The following TF variants were observed in gnomAD, a reference collection of about 807,000 sequenced individuals.
The protein encoded by TF is transferrin, also known as serotransferrin.
Under a neutral mutation model 82.4 loss-of-function variants are expected in TF, and 55 were observed. That is an observed-to-expected ratio of 0.67 (90% CI 0.54 to 0.84). TF has a LOEUF of 0.84. TF is among the 40% of genes least tolerant of loss of function. The pLI is 0.00. For missense variants in TF, 737 were observed against 868.4 expected, an observed-to-expected ratio of 0.85 and a Z score of 1.90; for synonymous variants, 332 against 332.6, an observed-to-expected ratio of 1.00 and a Z score of 0.02.
intron 6 of TF, 39 bp from the exon 7 acceptor site, chr3:133,756,792 C>T: frequency 6.2e-7 from 1 of 1,612,810 alleles, no homozygotes; most frequent in Non-Finnish European, 8.5e-7. Context: ...CAGCCCATGG[C>T]TCTCCTGTGT....
At chr3:133,666,555 A>G in the TF span, among the ~76,000 whole-genome samples, 1 of 152,156 alleles carries the variant, frequency 6.6e-6, no homozygotes, top group Non-Finnish European at 1.5e-5. Context: ...TGTTTAAACT[A>G]TTGTCTTCAG....
At chr3:133,772,914 T>G (rs186213296) in intron 14 of TF, 1 of 152,292 alleles carries the variant, frequency 6.6e-6, no homozygotes, top group Non-Finnish European at 1.5e-5. Context: ...CTTCTTACCT[T>G]CTTCTGTTAT....
At chr3:133,737,512 A>AAAAATC in the TF span, among the ~76,000 whole-genome samples, 1 of 152,156 alleles carries the variant, frequency 6.6e-6, no homozygotes, top group African/African-American at 2.4e-5. Flanking sequence ...AAACCCTTAA[A>AAAAATC]AAAATCAATG....
At chr3:133,776,171 C>T (rs1183753743) in intron 15 of TF, among the ~76,000 whole-genome samples, 3 of 152,188 alleles carry the variant, frequency 2.0e-5, no homozygotes, top group Non-Finnish European at 4.4e-5. Flanking sequence ...GAAGACAGCT[C>T]CTGTTTCCCA....
the TF span, among the ~76,000 whole-genome samples, chr3:133,686,236 A>G: frequency 1.8e-4 from 28 of 152,372 alleles, 2 homozygotes; most frequent in African/African-American, 6.0e-4. Context: ...ACCTAAAACC[A>G]TAAAAACCCT....
At chr3:133,684,598 A>G in the TF span, among the ~76,000 whole-genome samples, 1 of 152,224 alleles carries the variant, frequency 6.6e-6, no homozygotes, top group Non-Finnish European at 1.5e-5. Context: ...AAACTAGAAA[A>G]TCTAGAAGAA....
chr3:133,705,394 C>T, the TF span, among the ~76,000 whole-genome samples: 2 of 152,140 alleles, frequency 1.3e-5, no homozygotes, highest in African/African-American at 4.8e-5. Context: ...TGATTGCCTA[C>T]CACAGTCTAA....
the TF span, among the ~76,000 whole-genome samples, chr3:133,719,789 C>T: frequency 2.0e-5 from 3 of 152,102 alleles, no homozygotes; most frequent in East Asian, 5.8e-4. Context: ...TTTTCTTCAT[C>T]ACAGTTTTAT....
rs371309581 is a variant in TF at position 133,778,581 on chromosome 3, C to T, written c.2063-5C>T. 46 of 1,612,842 alleles carry T rather than the reference C, an allele frequency of 2.9e-5. No homozygotes were observed. The highest frequency in any genetic ancestry group is 3.6e-5 in the Non-Finnish European group (43 of 1,179,256). Reference sequence around the variant, plus strand: ...AAAATCCTACCTCTCTGCTCTGCTCCACAGCACTCCTGGAAGCCTGCACTT... The same window carrying T: ...AAAATCCTACCTCTCTGCTCTGCTCTACAGCACTCCTGGAAGCCTGCACTT... On this transcript the variant is annotated splice_polypyrimidine_tract_variant and splice_region_variant and intron_variant, in intron 16 of 16. Coordinates refer to ENST00000402696, the MANE Select transcript of TF (RefSeq NM_001063.4).
rs1933848970 is a variant in TF, at chr3:133,756,854, A to G, written c.715A>G (p.Arg239Gly). ...AGAGAACTTGGCAAACAAGGCTGAC[A>G]GGGACCAGTATGAGCTGCTTTGCCT... ...IFENLANKAD[R>G]DQYELLCLDN... Residue 239 changes from arginine to glycine, a missense_variant, in exon 7 of 17, where the codon AGG (arginine) becomes GGG (glycine). By Grantham distance (125) the Arg-to-Gly change is moderately radical (BLOSUM62 -2). Transcript: ENST00000402696. 5 of 1,614,096 alleles carry G rather than the reference A, an allele frequency of 3.1e-6. No homozygotes were observed. Among genetic ancestry groups the G allele is most frequent in the African/African-American group, 1.3e-5 (1 of 74,912 alleles).
chr3:133,762,699 T>C (rs1219651433), intron 9 of TF, among the ~76,000 whole-genome samples: 1 of 152,160 alleles, frequency 6.6e-6, no homozygotes, highest in Admixed American at 6.5e-5. Flanking sequence ...CTGAAAAAGT[T>C]TGAAAATCTA....
At chr3:133,713,662 T>C in the TF span, among the ~76,000 whole-genome samples, 1 of 152,180 alleles carries the variant, frequency 6.6e-6, no homozygotes. Context: ...CTTGCGTGCA[T>C]GTGGGAGATA....
chr3:133,677,985 T>C, the TF span, among the ~76,000 whole-genome samples: 5,185 of 152,266 alleles, frequency 0.034, 125 homozygotes, highest in Non-Finnish European at 0.053. Context: ...ACATTAGGTT[T>C]TTCTCCTAAT....
chr3:133,671,921 T>C, the TF span, among the ~76,000 whole-genome samples: 13 of 151,806 alleles, frequency 8.6e-5, no homozygotes, highest in African/African-American at 3.1e-4. Context: ...GAATGTACAA[T>C]AGAGAAAAAC....
intron 2 of TF, 174 bp downstream of exon 2, chr3:133,748,758 G>T (rs1487217839): frequency 4.9e-6 from 4 of 820,926 alleles, no homozygotes. Flanking sequence ...AATGTGTCTG[G>T]AAAGCAAAAG....
rs541709947 is a variant in TF at position 133,791,487 on chromosome 3, A to G, written c.*12867A>G. 6.6e-6 allele frequency: 1 copy of G among 152,222 alleles called. No homozygotes were observed. The highest frequency in any genetic ancestry group is 1.5e-5 in the Non-Finnish European group (1 of 68,042). 9.4% of individuals were successfully genotyped at this position (152,222 alleles called of 1,614,324 possible). A position where few individuals can be genotyped will look rare whatever the true frequency, so the allele number is the denominator to read the frequency against. ...GACTCTGGTCTCTGTCTCTCTGTGC[A>G]AACTGCATAAATGAATAGTAAAAGT... On this transcript the variant is annotated 3_prime_UTR_variant, in exon 17 of 17. Transcript: ENST00000402696.
chr3:133,775,895 A>G (rs765748341), intron 15 of TF, among the ~76,000 whole-genome samples: 5 of 152,158 alleles, frequency 3.3e-5, no homozygotes, highest in South Asian at 2.1e-4. Flanking sequence ...ATTTTTACCT[A>G]CTTCTCAGTT....
the TF span, among the ~76,000 whole-genome samples, chr3:133,674,228 G>T: frequency 6.6e-6 from 1 of 152,202 alleles, no homozygotes; most frequent in Non-Finnish European, 1.5e-5. Flanking sequence ...GCTAGATGAG[G>T]GTCCAGGGGT....
chr3:133,700,552 G>A, the TF span, among the ~76,000 whole-genome samples: 10 of 152,176 alleles, frequency 6.6e-5, no homozygotes, highest in Non-Finnish European at 8.8e-5. Flanking sequence ...AGACCGCCAC[G>A]GGTGCTTAGG....
Sources: gnomAD v4.1 joint callset for allele counts (sites outside exome capture counted in the v4.1 genomes callset) on GRCh38, gnomAD v4.1.1 for gene constraint, MANE v1.5 for transcripts, NCBI Gene and HGNC (gene_info 2026-07-23, HGNC 2026-07-21) for gene names.